Variants in KPNA5 observed in about 807,000 individuals in gnomAD.
KPNA5 encodes the protein importin subunit alpha-6.
In KPNA5, 46 loss-of-function variants were observed where a neutral mutation model predicts 71.3. The observed-to-expected ratio is 0.65, with a 90% CI of 0.51 to 0.83. The LOEUF is 0.83. KPNA5 is among the 40% of genes least tolerant of loss of function. The pLI, the probability that KPNA5 is intolerant of heterozygous loss-of-function variation, is 0.00. For missense variants in KPNA5, 547 were observed against 628.3 expected (o/e 0.87, Z 1.38); for synonymous variants, 207 against 201.4 (o/e 1.03, Z -0.24).
intron 10 of KPNA5, 82 bp downstream of exon 10, chr6:116,724,457 T>TA: frequency 1.1e-6 from 1 of 881,932 alleles, no homozygotes; most frequent in Non-Finnish European, 1.9e-6. Flanking sequence ...GATTACATAT[T>TA]AATCAAGATT....
chr6:116,681,371 G>T, intron 1 of KPNA5, 33 bp downstream of exon 1: 3 of 1,565,906 alleles, frequency 1.9e-6, no homozygotes, highest in South Asian at 1.2e-5. Flanking sequence ...TAGGTTGGGG[G>T]AGCCTCGGTT....
At position 116,724,394 on chromosome 6, in the gene KPNA5, A is replaced by G. The variant is rs763507130; in HGVS notation, c.999+19A>G. ...AACACAGGTGAGTTCAAACTTGAGT[A>G]TCATAAATTGTTAACATAAAGGACT... On this transcript the variant is annotated intron_variant, in intron 10 of 13. Coordinates refer to ENST00000368564, the MANE Select transcript of KPNA5 (RefSeq NM_001366306.2). The G allele has an allele frequency of 6.4e-7, 1 of 1,555,794 alleles. No homozygotes were observed. Among genetic ancestry groups the G allele is most frequent in the Non-Finnish European group, 8.9e-7 (1 of 1,129,470 alleles).
chr6:116,709,982 A>G (rs1268729024), intron 7 of KPNA5, among the ~76,000 whole-genome samples: 1 of 152,054 alleles, frequency 6.6e-6, no homozygotes, highest in East Asian at 1.9e-4. Flanking sequence ...GATGGTCTCC[A>G]TCTCCTAACC....
Position 116,735,363 on chromosome 6 carries a change from T to C in KPNA5, c.*3040T>C, listed in dbSNP as rs1411771113. On this transcript the variant is annotated 3_prime_UTR_variant, in exon 14 of 14. Transcript: ENST00000368564. ...TCTTAGTGAATTTTTGTTATGGTTC[T>C]CAATTCAGCAATCTACTGGCTGCTT... 1 of 151,788 alleles carries C rather than the reference T, an allele frequency of 6.6e-6. No homozygotes were observed. The highest frequency in any genetic ancestry group is 1.5e-5 in the Non-Finnish European group (1 of 67,748). The allele number at this position is 151,788 out of a possible 1,614,324, so 9.4% of individuals were successfully genotyped here.
intron 7 of KPNA5, among the ~76,000 whole-genome samples, chr6:116,708,147 A>G (rs904610836): frequency 3.3e-5 from 5 of 152,198 alleles, no homozygotes; most frequent in African/African-American, 1.2e-4. Context: ...TTGTTCATTC[A>G]TTAATAGATG....
intron 5 of KPNA5, among the ~76,000 whole-genome samples, chr6:116,701,506 A>G (rs1278185419): frequency 6.6e-6 from 1 of 152,238 alleles, no homozygotes; most frequent in Non-Finnish European, 1.5e-5. Context: ...GGCTCTGTTA[A>G]TAATGAAAGC....
At chr6:116,700,670 T>C (rs1172372155) in intron 5 of KPNA5, among the ~76,000 whole-genome samples, 2 of 152,192 alleles carry the variant, frequency 1.3e-5, no homozygotes, top group Non-Finnish European at 2.9e-5. Flanking sequence ...CAAGTTTTGT[T>C]GGCCTGAACA....
rs777124622 is a variant in KPNA5 at position 116,702,054 on chromosome 6, T to G, written c.471T>G (p.Ser157=). The change falls in exon 6 of 14, where the codon TCT becomes TCG. Residue 157 remains serine (S), a synonymous_variant. Transcript: ENST00000368564. The part of the protein sequence containing the change: ...EAAWALTNIA[S]GTFLHTKVVI... Reference sequence around the variant, plus strand: ...CATGGGCATTAACAAATATAGCATCTGGAACTTTTCTGCATACCAAGGTAG... The same window carrying G: ...CATGGGCATTAACAAATATAGCATCGGGAACTTTTCTGCATACCAAGGTAG... The G allele has an allele frequency of 1.2e-6, 2 of 1,613,924 alleles. No homozygotes were observed. The highest frequency in any genetic ancestry group is 3.3e-4 in the Middle Eastern group (2 of 6,060).
Position 116,702,059 on chromosome 6 carries a change from C to A in KPNA5, c.476C>A (p.Thr159Asn), listed in dbSNP as rs1219911500. ...GCATTAACAAATATAGCATCTGGAA[C>A]TTTTCTGCATACCAAGGTAGTGATT... ...AWALTNIASGTFLHTKVVIET... is the reference protein window; with the variant it reads ...AWALTNIASGNFLHTKVVIET... The change falls in exon 6 of 14, where the codon ACT becomes AAT. Residue 159 changes from threonine to asparagine, a missense_variant. Physicochemically the swap from Thr to Asn is moderately conservative, Grantham distance 65 (BLOSUM62 0). Coordinates refer to ENST00000368564, the MANE Select transcript of KPNA5 (RefSeq NM_001366306.2). 2 of 1,613,736 alleles carry A rather than the reference C, an allele frequency of 1.2e-6. No homozygotes were observed. Among genetic ancestry groups the A allele is most frequent in the Non-Finnish European group, 1.7e-6 (2 of 1,179,864 alleles).
intron 1 of KPNA5, among the ~76,000 whole-genome samples, chr6:116,684,725 G>A (rs1777502734): frequency 6.6e-6 from 1 of 152,114 alleles, no homozygotes; most frequent in South Asian, 2.1e-4. Flanking sequence ...CCAGATCCCT[G>A]TCCTGAGTTC....
Position 116,689,455 on chromosome 6 carries a change from T to TA in KPNA5, c.138+3dup. On this transcript the variant is annotated splice_region_variant and intron_variant, in intron 2 of 13. Coordinates refer to ENST00000368564, the MANE Select transcript of KPNA5 (RefSeq NM_001366306.2). Reference sequence around the variant, plus strand: ...AGAAAACAAAAAAGAGAAGAACAGGTAGGTGTTTTTAGCTATTTAATTTTG... The same window carrying TA: ...AGAAAACAAAAAAGAGAAGAACAGGTAAGGTGTTTTTAGCTATTTAATTTTG... The TA allele has an allele frequency of 6.4e-7, 1 of 1,555,124 alleles. No individual in the cohort carries two copies. The highest frequency in any genetic ancestry group is 8.6e-7 in the Non-Finnish European group (1 of 1,159,120).
intron 12 of KPNA5, 148 bp from the exon 13 acceptor site, chr6:116,729,415 A>G: frequency 2.2e-6 from 1 of 453,080 alleles, no homozygotes; most frequent in Non-Finnish European, 3.7e-6. Context: ...AATGTGTGTA[A>G]TGTTTGCATT....
At position 116,738,830 on chromosome 6, in the gene KPNA5, T is replaced by A. The variant is rs1779763923; in HGVS notation, c.*6507T>A. The A allele has an allele frequency of 6.6e-6, 1 of 152,118 alleles. No individual in the cohort carries two copies. Among genetic ancestry groups the A allele is most frequent in the Non-Finnish European group, 1.5e-5 (1 of 68,038 alleles). 9.4% of individuals were successfully genotyped at this position (152,118 alleles called of 1,614,324 possible). A position where few individuals can be genotyped will look rare whatever the true frequency, so the allele number is the denominator to read the frequency against. ...TCATGCTAAAAAACTCTCAATAAAT[T>A]AGGTATTGATGGGACGTATCTCCAA... is the stretch of plus-strand genomic sequence containing the variant. On this transcript the variant is annotated 3_prime_UTR_variant, in exon 14 of 14. Transcript: ENST00000368564.
chr6:116,699,262 T>C (rs1344593833), intron 5 of KPNA5, among the ~76,000 whole-genome samples: 3 of 152,094 alleles, frequency 2.0e-5, no homozygotes, highest in African/African-American at 7.2e-5. Context: ...ATAAAGAACA[T>C]TGGTTCTCAA....
intron 2 of KPNA5, among the ~76,000 whole-genome samples, chr6:116,690,936 A>G (rs952626333): frequency 1.8e-4 from 28 of 152,186 alleles, no homozygotes; most frequent in Non-Finnish European, 1.6e-4. Context: ...TTGTTTTAAA[A>G]TATGTATTAT....
chr6:116,718,853 T>G (rs1342278815), intron 8 of KPNA5, among the ~76,000 whole-genome samples: 1 of 151,106 alleles, frequency 6.6e-6, no homozygotes, highest in Non-Finnish European at 1.5e-5. Context: ...CTGCAACCTC[T>G]GCCTCCCGGG....
chr6:116,694,384 C>T (rs1322170948), intron 4 of KPNA5, among the ~76,000 whole-genome samples: 1 of 152,056 alleles, frequency 6.6e-6, no homozygotes, highest in African/African-American at 2.4e-5. Flanking sequence ...GAATGTTCTT[C>T]CATTTGTTTG....
chr6:116,714,512 G>A (rs114695084), intron 7 of KPNA5, among the ~76,000 whole-genome samples: 1,618 of 152,236 alleles, frequency 0.011, 26 homozygotes, highest in South Asian at 0.041. Flanking sequence ...AAGTAAAAGC[G>A]TAGGTCTCTT....
chr6:116,724,152 TG>T (rs1051691933), intron 9 of KPNA5, 144 bp from the exon 10 acceptor site: 34 of 551,766 alleles, frequency 6.2e-5, no homozygotes, highest in African/African-American at 5.4e-4. Flanking sequence ...TTAGATCCTT[TG>T]TTATAAAGAT....
Sources: allele counts gnomAD v4.1 joint callset (sites outside exome capture counted in the v4.1 genomes callset), GRCh38; gene constraint gnomAD v4.1.1; transcripts MANE v1.5; gene names NCBI Gene and HGNC (gene_info 2026-07-23, HGNC 2026-07-21).